Variants in MIA2 observed in about 807,000 individuals in gnomAD.
MIA2 encodes the protein MIA SH3 domain ER export factor 2.
Under a neutral mutation model 167.8 loss-of-function variants are expected in MIA2, and 127 were observed. That is an observed-to-expected ratio of 0.76 (90% CI 0.66 to 0.88). The LOEUF is 0.88. Ranked by LOEUF, MIA2 falls within the 40% of genes least tolerant of loss-of-function variation. The probability of loss-of-function intolerance (pLI) is 0.00; values close to 1 mark genes in which losing one functional copy is unlikely to be tolerated. For missense variants in MIA2, 1,690 were observed against 1,624.7 expected (o/e 1.04, Z -0.69); for synonymous variants, 552 against 541.9 (o/e 1.02, Z -0.26).
intron 6 of MIA2, among the ~76,000 whole-genome samples, chr14:39,275,845 G>C (rs946903157): frequency 6.6e-5 from 10 of 152,184 alleles, no homozygotes; most frequent in African/African-American, 2.4e-4. Flanking sequence ...CAGGGTAAAG[G>C]GATATTTTTT....
rs147200605 is a variant in MIA2, at chr14:39,343,543, T to A, written c.3656-2361T>A. 2.8e-3 allele frequency among the ~76,000 whole-genome samples: 430 copies of A among 152,346 alleles called. 2 individuals are homozygous for A. Among genetic ancestry groups the A allele is most frequent in the African/African-American group, 9.6e-3 (398 of 41,572 alleles). On this transcript the variant is annotated intron_variant, in intron 25 of 28. Coordinates refer to ENST00000640607, the MANE Select transcript of MIA2 (RefSeq NM_001329214.4). ...TGATTTCTGCAGTATAATTCTTAGT[T>A]TGCAAAACTGCTTTAGAATGCCCAG...
At chr14:39,280,045 G>GGTGT (rs55700694) in intron 9 of MIA2, among the ~76,000 whole-genome samples, 3 of 120,580 alleles carry the variant, frequency 2.5e-5, no homozygotes, top group Non-Finnish European at 1.7e-5. Context: ...TGCAGTTGAG[G>GGTGT]GTGTGTGTGT....
chr14:39,322,780 C>T (rs1034840634), intron 24 of MIA2, among the ~76,000 whole-genome samples: 1 of 151,858 alleles, frequency 6.6e-6, no homozygotes, highest in Non-Finnish European at 1.5e-5. Context: ...TAATTTGTGG[C>T]GAAATTCAAA....
chr14:39,241,997 C>T (rs934075297), intron 3 of MIA2, among the ~76,000 whole-genome samples: 1 of 152,208 alleles, frequency 6.6e-6, no homozygotes, highest in Non-Finnish European at 1.5e-5. Context: ...TCCCCAAATA[C>T]TTCACTTGGC....
intron 6 of MIA2, among the ~76,000 whole-genome samples, chr14:39,270,458 C>G (rs2056948844): frequency 1.3e-5 from 2 of 152,080 alleles, no homozygotes; most frequent in Admixed American, 1.3e-4. Flanking sequence ...CTCGGCCTCC[C>G]AAAGTGCAGG....
At chr14:39,380,691 C>CAAAAAAAAAAAA (rs145179098) in intron 23 of MIA2, among the ~76,000 whole-genome samples, 2 of 85,050 alleles carry the variant, frequency 2.4e-5, no homozygotes, top group Non-Finnish European at 4.6e-5. Flanking sequence ...GACTCAGACT[C>CAAAAAAAAAAAA]AAAAAAAAAA....
intron 6 of MIA2, among the ~76,000 whole-genome samples, chr14:39,260,315 T>C (rs963547636): frequency 2.0e-5 from 3 of 152,196 alleles, no homozygotes; most frequent in African/African-American, 7.2e-5. Flanking sequence ...TAGTTTACAG[T>C]CCCACCAACA....
At chr14:39,261,552 G>C (rs1480072196) in intron 6 of MIA2, among the ~76,000 whole-genome samples, 1 of 152,110 alleles carries the variant, frequency 6.6e-6, no homozygotes, top group Non-Finnish European at 1.5e-5. Flanking sequence ...CTAGATCCTT[G>C]AGGAATCGCC....
At chr14:39,271,547 C>G (rs558500104) in intron 6 of MIA2, among the ~76,000 whole-genome samples, 1 of 152,082 alleles carries the variant, frequency 6.6e-6, no homozygotes, top group South Asian at 2.1e-4. Flanking sequence ...TTCAGTTTGT[C>G]CATTTCTGCA....
At chr14:39,368,694 T>TG (rs148917062) in intron 23 of MIA2, among the ~76,000 whole-genome samples, 3 of 151,512 alleles carry the variant, frequency 2.0e-5, no homozygotes, top group Non-Finnish European at 2.9e-5. Context: ...TTTTTGTTTT[T>TG]TTTTTTGGTA....
downstream of MIA2, among the ~76,000 whole-genome samples, chr14:39,352,772 AT>A (rs1403621675): frequency 4.6e-5 from 7 of 152,226 alleles, no homozygotes; most frequent in Non-Finnish European, 1.0e-4. Context: ...AGAAGTGTAT[AT>A]GTTGTACACA....
chr14:39,370,534 C>T (rs1271703549), intron 23 of MIA2: 5 of 341,778 alleles, frequency 1.5e-5, no homozygotes, highest in South Asian at 5.8e-5. Flanking sequence ...ATGGAGACTG[C>T]GCAGTTGTAG....
intron 6 of MIA2, among the ~76,000 whole-genome samples, chr14:39,273,795 T>G (rs2057526370): frequency 6.6e-6 from 1 of 152,220 alleles, no homozygotes; most frequent in African/African-American, 2.4e-5. Flanking sequence ...TGATTTTCTT[T>G]TCTTGTGTGA....
chr14:39,266,448 G>C, intron 6 of MIA2: 1 of 985,392 alleles, frequency 1.0e-6, no homozygotes, highest in Non-Finnish European at 1.2e-6. Context: ...AGGTCCACGG[G>C]GATTTGATTT....
chr14:39,336,345 T>C (rs1393474031), intron 25 of MIA2, among the ~76,000 whole-genome samples: 3 of 152,208 alleles, frequency 2.0e-5, no homozygotes, highest in Non-Finnish European at 4.4e-5. Context: ...AACATTCTTA[T>C]TACTTAAAGG....
chr14:39,247,444 A>G lies in MIA2; in HGVS notation c.870A>G (p.Thr290=). 1 of 1,614,042 alleles carries G rather than the reference A, an allele frequency of 6.2e-7. No individual in the cohort carries two copies. The highest frequency in any genetic ancestry group is 8.5e-7 in the Non-Finnish European group (1 of 1,179,986). ...CAGAAATTGATTCAGTGCCAAAGAC[A>G]CAGTCTGAACTAGCATCTGAGTCAG... ...SESEIDSVPK[T]QSELASESEH... The change falls in exon 4 of 29, where the codon ACA becomes ACG. Residue 290 remains threonine (T), a synonymous_variant. Coordinates refer to ENST00000640607, the MANE Select transcript of MIA2 (RefSeq NM_001329214.4).
chr14:39,246,884 A>G (rs774762933), intron 3 of MIA2, 27 bp from the exon 4 acceptor site: 6 of 1,270,190 alleles, frequency 4.7e-6, no homozygotes, highest in Non-Finnish European at 5.4e-6. Context: ...CATTCATGTT[A>G]ATCATATATA....
intron 6 of MIA2, chr14:39,265,666 T>C (rs2055503057): frequency 7.9e-6 from 3 of 379,372 alleles, no homozygotes; most frequent in Non-Finnish European, 9.3e-6. Flanking sequence ...TTGAAAGTTC[T>C]AAAACCTGAA....
chr14:39,359,343 C>T (rs2074618863), intron 23 of MIA2, among the ~76,000 whole-genome samples: 1 of 152,204 alleles, frequency 6.6e-6, no homozygotes, highest in Non-Finnish European at 1.5e-5. Flanking sequence ...GCGTAGGACC[C>T]TTTGAGCCAG....
Sources: gnomAD v4.1 joint callset for allele counts (sites outside exome capture counted in the v4.1 genomes callset) on GRCh38, gnomAD v4.1.1 for gene constraint, MANE v1.5 for transcripts, NCBI Gene and HGNC (gene_info 2026-07-23, HGNC 2026-07-21) for gene names.